Variants in MAF observed in about 807,000 individuals in gnomAD.
The protein encoded by MAF is transcription factor Maf.
MAF carries 10 observed loss-of-function variants against 22.0 expected under a neutral mutation model. The observed-to-expected ratio is 0.45, with a 90% CI of 0.28 to 0.77. The LOEUF (loss-of-function observed/expected upper bound fraction) is 0.77, where lower values mean the gene tolerates loss of function less well. Ranked by LOEUF, MAF falls within the 30% of genes least tolerant of loss-of-function variation. MAF has a pLI of 0.12. For synonymous variants in MAF, 337 were observed against 255.8 expected (o/e 1.32, Z -3.03); for missense variants, 544 against 548.4 (o/e 0.99, Z 0.08).
At chr16:79,552,377 G>T in the MAF span, among the ~76,000 whole-genome samples, 1 of 151,954 alleles carries the variant, frequency 6.6e-6, no homozygotes, top group South Asian at 2.1e-4. Flanking sequence ...CAGCTTAATT[G>T]TTTATTTGTT....
chr16:79,279,316 G>A, the MAF span, among the ~76,000 whole-genome samples: 594 of 152,286 alleles, frequency 3.9e-3, 2 homozygotes, highest in African/African-American at 0.014. Flanking sequence ...TTTGGAAAGT[G>A]GGAATGACAG....
chr16:79,263,350 A>T, the MAF span, among the ~76,000 whole-genome samples: 2 of 152,212 alleles, frequency 1.3e-5, no homozygotes, highest in African/African-American at 4.8e-5. Context: ...TACAAATATT[A>T]ACATAGCACT....
At chr16:79,584,449 T>C (rs1176667519), downstream of MAF, among the ~76,000 whole-genome samples, 1 of 152,224 alleles carries the variant, frequency 6.6e-6, no homozygotes, top group Non-Finnish European at 1.5e-5. Context: ...TTCCTTGCTC[T>C]CACCTGTCAA....
the MAF span, among the ~76,000 whole-genome samples, chr16:79,324,729 T>C: frequency 2.6e-5 from 4 of 151,934 alleles, no homozygotes; most frequent in African/African-American, 9.7e-5. Context: ...CCTGGAAAGG[T>C]AATAATGAAG....
the MAF span, among the ~76,000 whole-genome samples, chr16:79,530,141 T>C: frequency 6.6e-6 from 1 of 152,134 alleles, no homozygotes; most frequent in Admixed American, 6.5e-5. Flanking sequence ...TTTTGGAGTG[T>C]ACAACCTTGA....
At chr16:79,206,222 A>T in the MAF span, 15 of 152,396 alleles carry the variant, frequency 9.8e-5, no homozygotes, top group East Asian at 2.3e-3. Flanking sequence ...TCATGGCCAG[A>T]CATGGCCTGG....
the MAF span, among the ~76,000 whole-genome samples, chr16:79,544,148 C>A: frequency 6.6e-6 from 1 of 152,178 alleles, no homozygotes; most frequent in African/African-American, 2.4e-5. Flanking sequence ...AAAGTTTGCA[C>A]AGAGAATCAA....
chr16:79,594,992 A>G (rs1913428646), intron 1 of MAF: 1 of 1,076,998 alleles, frequency 9.3e-7, no homozygotes, highest in East Asian at 4.9e-5. Flanking sequence ...GATAACTGCA[A>G]TAACTACATC....
At chr16:79,256,240 G>A in the MAF span, among the ~76,000 whole-genome samples, 3 of 151,448 alleles carry the variant, frequency 2.0e-5, no homozygotes, top group Admixed American at 6.6e-5. Flanking sequence ...CGCCTGCCTC[G>A]GCCTCCCAGA....
At chr16:79,281,439 C>T in the MAF span, among the ~76,000 whole-genome samples, 33 of 152,042 alleles carry the variant, frequency 2.2e-4, no homozygotes, top group African/African-American at 7.7e-4. Flanking sequence ...TTAAGGTGAG[C>T]CTTGCTTTAA....
the MAF span, among the ~76,000 whole-genome samples, chr16:79,413,694 T>C: frequency 6.6e-6 from 1 of 152,182 alleles, no homozygotes; most frequent in Admixed American, 6.5e-5. Flanking sequence ...TAATCTCCAT[T>C]GTGGGATCAG....
At chr16:79,524,321 C>T in the MAF span, among the ~76,000 whole-genome samples, 130 of 152,324 alleles carry the variant, frequency 8.5e-4, no homozygotes, top group South Asian at 2.5e-3. Context: ...TGTGACCCAT[C>T]TCTCTTAAGG....
chr16:79,550,940 C>G, the MAF span, among the ~76,000 whole-genome samples: 1 of 152,180 alleles, frequency 6.6e-6, no homozygotes, highest in Non-Finnish European at 1.5e-5. Flanking sequence ...CCACTGCAGA[C>G]TCTTTCCACC....
intron 1 of MAF, chr16:79,596,423 T>C: frequency 9.5e-7 from 1 of 1,057,504 alleles, no homozygotes. Flanking sequence ...CATTTTACAC[T>C]TTTAACGAGG....
At chr16:79,247,894 C>T in the MAF span, among the ~76,000 whole-genome samples, 1 of 152,148 alleles carries the variant, frequency 6.6e-6, no homozygotes, top group African/African-American at 2.4e-5. Context: ...CTGTAAAATT[C>T]TGGAATGAGT....
At chr16:79,388,521 T>C in the MAF span, among the ~76,000 whole-genome samples, 32 of 152,228 alleles carry the variant, frequency 2.1e-4, no homozygotes, top group African/African-American at 7.5e-4. Context: ...TGGCTATGTA[T>C]TAACTGTGTT....
rs751295454 is a variant in MAF, at chr16:79,598,821, G to C, written c.1082C>G (p.Ser361Trp). ...GGGAGAGGACGGGTTGTCGCTGCTC[G>C]AGCCGTTTTCTCGGAAGCCGCTGCT... The part of the protein sequence containing the change: ...LVSSGFRENG[S>W]SSDNPSSPEF... Residue 361 changes from serine to tryptophan, a missense_variant, in exon 1 of 2, where the codon TCG becomes TGG. Coordinates refer to ENST00000326043, the MANE Select transcript of MAF (RefSeq NM_005360.5). The C allele has an allele frequency of 2.5e-6, 4 of 1,613,702 alleles. No homozygotes were observed. The highest frequency in any genetic ancestry group is 3.4e-6 in the Non-Finnish European group (4 of 1,179,992).
chr16:79,567,716 C>A, the MAF span, among the ~76,000 whole-genome samples: 33 of 152,194 alleles, frequency 2.2e-4, no homozygotes, highest in African/African-American at 7.7e-4. Flanking sequence ...ATGAGCAGCT[C>A]AGTGATCTGC....
At chr16:79,226,353 T>G in the MAF span, among the ~76,000 whole-genome samples, 492 of 151,670 alleles carry the variant, frequency 3.2e-3, 6 homozygotes, top group Admixed American at 0.023. Flanking sequence ...CAAGGGAGGG[T>G]AACATCACAT....
Sources: allele counts gnomAD v4.1 joint callset (sites outside exome capture counted in the v4.1 genomes callset), GRCh38; gene constraint gnomAD v4.1.1; transcripts MANE v1.5; gene names NCBI Gene and HGNC (gene_info 2026-07-23, HGNC 2026-07-21).